Variants in ANKRD36 observed in about 807,000 individuals in gnomAD.
ANKRD36 encodes ankyrin repeat domain 36.
In ANKRD36, 179 loss-of-function variants were observed where a neutral mutation model predicts 278.1. That is an observed-to-expected ratio of 0.64 (90% CI 0.57 to 0.73). The LOEUF is 0.73. Ranked by LOEUF, ANKRD36 falls within the 30% of genes least tolerant of loss-of-function variation. ANKRD36 has a pLI of 0.00. For synonymous variants in ANKRD36, 320 were observed against 641.1 expected (o/e 0.50, Z 7.57); for missense variants, 1,159 against 1,956.7 (o/e 0.59, Z 7.69).
At chr2:97,233,500 C>T (rs536292615) in intron 67 of ANKRD36, among the ~76,000 whole-genome samples, 1 of 151,992 alleles carries the variant, frequency 6.6e-6, no homozygotes, top group African/African-American at 2.4e-5. Context: ...TAACCCAAGT[C>T]TCTCTGTCAG....
chr2:97,147,987 GA>G (rs935771824), intron 11 of ANKRD36, among the ~76,000 whole-genome samples: 2 of 151,884 alleles, frequency 1.3e-5, no homozygotes, highest in African/African-American at 4.8e-5. Flanking sequence ...AGGTTTTATT[GA>G]AAAATGTTAA....
chr2:97,131,170 A>G (rs911118832), intron 6 of ANKRD36, among the ~76,000 whole-genome samples: 6 of 151,586 alleles, frequency 4.0e-5, no homozygotes, highest in African/African-American at 1.5e-4. Context: ...CCACACCTTT[A>G]ACCATTTATA....
intron 54 of ANKRD36, among the ~76,000 whole-genome samples, chr2:97,209,147 T>C (rs943841764): frequency 1.4e-5 from 2 of 146,566 alleles, no homozygotes; most frequent in Admixed American, 1.4e-4. Flanking sequence ...CAAACAGATA[T>C]CCAAGGTGAT....
At chr2:97,196,651 G>A (rs775709150) in intron 41 of ANKRD36, 30 bp downstream of exon 41, 40 of 1,602,462 alleles carry the variant, frequency 2.5e-5, no homozygotes, top group East Asian at 2.0e-4. Flanking sequence ...TCATGTGAAC[G>A]AGTTAATGTA....
intron 24 of ANKRD36, among the ~76,000 whole-genome samples, 199 bp from the exon 25 acceptor site, chr2:97,181,399 G>T (rs557507644): frequency 2.6e-5 from 4 of 151,210 alleles, no homozygotes; most frequent in Admixed American, 6.6e-5. Flanking sequence ...AAATTGTAAG[G>T]GTATATTTTG....
Position 97,122,180 on chromosome 2 carries a change from G to A in ANKRD36, c.487-707G>A, listed in dbSNP as rs560234660. Among the ~76,000 whole-genome samples, 66 of 86,810 alleles carry A rather than the reference G, an allele frequency of 7.6e-4. 8 individuals are homozygous for A. Among genetic ancestry groups the A allele is most frequent in the Admixed American group, 1.1e-3 (11 of 9,730 alleles). The allele number at this position is 86,810 out of a possible 152,430, so 57.0% of individuals were successfully genotyped here. On this transcript the variant is annotated intron_variant, in intron 3 of 75. Coordinates refer to ENST00000420699, the MANE Select transcript of ANKRD36 (RefSeq NM_001354587.1). ...CGATAGAAGAGAATGAGGCAAGTGT[G>A]TATCACCCAGAGGAAACCTCTACCT...
At chr2:97,150,416 G>A (rs2079237844) in intron 12 of ANKRD36, among the ~76,000 whole-genome samples, 2 of 152,242 alleles carry the variant, frequency 1.3e-5, no homozygotes, top group Admixed American at 1.3e-4. Context: ...TATGTGTCCT[G>A]GAATACACAG....
chr2:97,141,896 G>A (rs1358817980), intron 6 of ANKRD36, among the ~76,000 whole-genome samples: 2 of 152,214 alleles, frequency 1.3e-5, no homozygotes, highest in Admixed American at 1.3e-4. Context: ...TCTAATGCTT[G>A]TAGCAGTTTT....
At chr2:97,219,294 T>C in intron 66 of ANKRD36, 48 bp downstream of exon 66, 1 of 1,446,530 alleles carries the variant, frequency 6.9e-7, no homozygotes, top group South Asian at 1.3e-5. Flanking sequence ...TACATTAATC[T>C]GTTTGTAATG....
chr2:97,186,992 ATAGT>A (rs1034965568), intron 30 of ANKRD36, among the ~76,000 whole-genome samples: 3 of 151,880 alleles, frequency 2.0e-5, no homozygotes, highest in African/African-American at 4.8e-5. Context: ...TATGTTTGAA[ATAGT>A]TAGGAATATA....
At chr2:97,144,965 G>A (rs990205578) in intron 10 of ANKRD36, among the ~76,000 whole-genome samples, 5 of 152,112 alleles carry the variant, frequency 3.3e-5, no homozygotes, top group African/African-American at 1.2e-4. Flanking sequence ...AGATACAAGA[G>A]TCTGAGGGGA....
At chr2:97,206,972 CAA>C (rs2063028470) in intron 52 of ANKRD36, among the ~76,000 whole-genome samples, 1 of 151,394 alleles carries the variant, frequency 6.6e-6, no homozygotes, top group African/African-American at 2.4e-5. Flanking sequence ...ATTTTAGAAA[CAA>C]AAATTATGCT....
intron 28 of ANKRD36, 95 bp downstream of exon 28, chr2:97,183,749 A>G (rs1375177525): frequency 1.4e-6 from 2 of 1,418,468 alleles, no homozygotes; most frequent in African/African-American, 2.9e-5. Flanking sequence ...TTGAAAATGC[A>G]CTTTCTGATT....
At chr2:97,203,304 A>AAAACTGATC (rs1358471772) in intron 48 of ANKRD36, among the ~76,000 whole-genome samples, 1 of 151,842 alleles carries the variant, frequency 6.6e-6, no homozygotes, top group Admixed American at 6.6e-5. Flanking sequence ...TTCTGAATGA[A>AAAACTGATC]AAACTGATCA....
chr2:97,183,753 T>G, intron 28 of ANKRD36, 99 bp downstream of exon 28: 2 of 1,411,846 alleles, frequency 1.4e-6, no homozygotes, highest in Non-Finnish European at 1.9e-6. Context: ...AAATGCACTT[T>G]CTGATTCAGC....
At chr2:97,140,671 G>A (rs2042678584) in intron 6 of ANKRD36, among the ~76,000 whole-genome samples, 1 of 152,020 alleles carries the variant, frequency 6.6e-6, no homozygotes, top group Non-Finnish European at 1.5e-5. Flanking sequence ...TTAGTCAAGT[G>A]TCTGATACAT....
At chr2:97,235,606 G>A (rs2073456851) in intron 68 of ANKRD36, among the ~76,000 whole-genome samples, 3 of 138,762 alleles carry the variant, frequency 2.2e-5, no homozygotes, top group Non-Finnish European at 4.5e-5. Context: ...TTCTACATCC[G>A]ACCTCATGTA....
At chr2:97,124,848 T>C (rs991325001) in intron 5 of ANKRD36, among the ~76,000 whole-genome samples, 41 of 151,948 alleles carry the variant, frequency 2.7e-4, no homozygotes, top group Non-Finnish European at 5.4e-4. Context: ...TTTCAGGACT[T>C]TTCTCCTTAG....
At position 97,200,364 on chromosome 2, in the gene ANKRD36, T is replaced by C. The variant is rs1449819705; in HGVS notation, c.2784+2T>C. The C allele has an allele frequency of 3.7e-6, 6 of 1,605,858 alleles. No individual in the cohort carries two copies. In the Admixed American group the frequency reaches 5.0e-5, roughly 13 times the overall value. ...TCTCGGAAAAAACCATCCTTGGAGG[T>C]AATGAAACTCTCATTCATATTGTGA... is the stretch of plus-strand genomic sequence containing the variant. On this transcript the variant is annotated splice_donor_variant, in intron 45 of 75. Transcript: ENST00000420699. LOFTEE classifies it high-confidence loss of function.
Sources: gnomAD v4.1 joint callset for allele counts (sites outside exome capture counted in the v4.1 genomes callset) on GRCh38, gnomAD v4.1.1 for gene constraint, MANE v1.5 for transcripts, NCBI Gene and HGNC (gene_info 2026-07-23, HGNC 2026-07-21) for gene names.